The following CREB5 variants were observed in gnomAD, a reference collection of about 807,000 sequenced individuals.
CREB5 encodes the protein cyclic AMP-responsive element-binding protein 5.
In CREB5, 19 loss-of-function variants were observed where a neutral mutation model predicts 57.1. The observed-to-expected ratio is 0.33, with a 90% confidence interval of 0.23 to 0.49. The LOEUF (loss-of-function observed/expected upper bound fraction) is 0.49, where lower values mean the gene tolerates loss of function less well. Among genes scored for constraint, CREB5 ranks in the 20% least tolerant of loss-of-function variants. CREB5 has a pLI of 0.99. For missense variants in CREB5, 579 were observed against 671.6 expected (o/e 0.86, Z 1.52); for synonymous variants, 238 against 238.3 (o/e 1.00, Z 0.01).
At chr7:28,676,480 C>T (rs1030649388) in intron 5 of CREB5, among the ~76,000 whole-genome samples, 3 of 152,112 alleles carry the variant, frequency 2.0e-5, no homozygotes, top group Admixed American at 1.3e-4. Flanking sequence ...TCACAGGTCG[C>T]GATCCTCATT....
chr7:28,780,213 G>A (rs556039087), intron 7 of CREB5, among the ~76,000 whole-genome samples: 22 of 152,278 alleles, frequency 1.4e-4, no homozygotes, highest in South Asian at 4.1e-4. Context: ...CAAGGAAACT[G>A]CAATGAGAAG....
chr7:28,677,404 A>G (rs1230401131), intron 5 of CREB5, among the ~76,000 whole-genome samples: 2 of 152,106 alleles, frequency 1.3e-5, no homozygotes, highest in African/African-American at 2.4e-5. Context: ...TTCCCCAGAC[A>G]TTCTCAGGCA....
chr7:28,326,215 A>G (rs1410481601), intron 1 of CREB5, among the ~76,000 whole-genome samples: 3 of 148,842 alleles, frequency 2.0e-5, no homozygotes, highest in Non-Finnish European at 4.5e-5. Flanking sequence ...CTATCTACCT[A>G]TCTATCTTGA....
intron 1 of CREB5, among the ~76,000 whole-genome samples, chr7:28,406,818 A>G (rs139448504): frequency 2.4e-4 from 36 of 152,292 alleles, no homozygotes; most frequent in African/African-American, 8.7e-4. Context: ...AGCGCATTTG[A>G]CAGATGAGAG....
At chr7:28,491,777 T>C (rs752047279) in intron 2 of CREB5, among the ~76,000 whole-genome samples, 4 of 152,174 alleles carry the variant, frequency 2.6e-5, no homozygotes, top group Non-Finnish European at 5.9e-5. Flanking sequence ...AAGCCAATTG[T>C]TGTGGCCATG....
At chr7:28,804,151 C>T (rs1476114691) in intron 7 of CREB5, 48 bp from the exon 8 acceptor site, 1 of 1,560,138 alleles carries the variant, frequency 6.4e-7, no homozygotes, top group Non-Finnish European at 8.8e-7. Context: ...CTATCATGTA[C>T]ATGACTGACT....
intron 7 of CREB5, among the ~76,000 whole-genome samples, chr7:28,751,610 T>TA (rs1381402506): frequency 6.6e-6 from 1 of 152,218 alleles, no homozygotes. Context: ...TTTTATTTTT[T>TA]ATCTTGAAAC....
intron 5 of CREB5, among the ~76,000 whole-genome samples, chr7:28,614,906 A>T (rs1797537966): frequency 6.6e-6 from 1 of 152,214 alleles, no homozygotes; most frequent in Admixed American, 6.5e-5. Flanking sequence ...TTCATATTTT[A>T]ACATGGCTAT....
Position 28,412,720 on chromosome 7 carries a change from G to A in CREB5, c.-195G>A. The A allele has an allele frequency of 2.4e-6, 1 of 420,528 alleles. No homozygotes were observed. Among genetic ancestry groups the A allele is most frequent in the Non-Finnish European group, 4.1e-6 (1 of 243,472 alleles). The allele number at this position is 420,528 out of a possible 1,614,324, so 26.0% of individuals were successfully genotyped here. On this transcript the variant is annotated 5_prime_UTR_variant, in exon 1 of 11. Coordinates refer to ENST00000357727, the MANE Select transcript of CREB5 (RefSeq NM_182898.4). ...GTACCTCTGGGTTGCAGAAGTAATT[G>A]TAAAATACCAGACCTGTTCTTTTTA... is the stretch of plus-strand genomic sequence containing the variant.
chr7:28,570,261 T>A, intron 4 of CREB5, 104 bp from the exon 5 acceptor site: 3 of 1,240,656 alleles, frequency 2.4e-6, no homozygotes, highest in Non-Finnish European at 3.4e-6. Flanking sequence ...TAACTCTCTA[T>A]GTAGTTGACA....
intron 2 of CREB5, among the ~76,000 whole-genome samples, chr7:28,494,521 T>C (rs1321880175): frequency 6.6e-6 from 1 of 152,212 alleles, no homozygotes; most frequent in African/African-American, 2.4e-5. Context: ...TAGTTGGATA[T>C]ATCCAGGGAC....
intron 5 of CREB5, among the ~76,000 whole-genome samples, chr7:28,709,310 A>G (rs1802284435): frequency 6.6e-6 from 1 of 152,184 alleles, no homozygotes; most frequent in Admixed American, 6.5e-5. Flanking sequence ...ATAAGGAAAA[A>G]AAAATCAGAT....
intron 1 of CREB5, among the ~76,000 whole-genome samples, chr7:28,385,899 C>T (rs917766961): frequency 1.6e-4 from 24 of 152,178 alleles, no homozygotes; most frequent in African/African-American, 5.8e-4. Flanking sequence ...GGAGTGAACC[C>T]CGCTGGTAGG....
chr7:28,514,823 G>A (rs973062201), intron 4 of CREB5, among the ~76,000 whole-genome samples: 2 of 152,212 alleles, frequency 1.3e-5, no homozygotes, highest in Non-Finnish European at 2.9e-5. Context: ...GAAAGGTTGC[G>A]CATTCATGTC....
chr7:28,644,466 T>TA (rs951383886), intron 5 of CREB5, among the ~76,000 whole-genome samples: 2 of 150,758 alleles, frequency 1.3e-5, no homozygotes, highest in African/African-American at 4.9e-5. Flanking sequence ...CCCATTATGG[T>TA]AAAAACACGA....
chr7:28,708,364 G>A (rs1802232733), intron 5 of CREB5, among the ~76,000 whole-genome samples: 1 of 152,144 alleles, frequency 6.6e-6, no homozygotes, highest in African/African-American at 2.4e-5. Flanking sequence ...ATGTATCGTG[G>A]AGCTAATAAA....
chr7:28,629,509 C>G (rs1475639222), intron 5 of CREB5, among the ~76,000 whole-genome samples: 3 of 152,178 alleles, frequency 2.0e-5, no homozygotes, highest in Non-Finnish European at 4.4e-5. Context: ...GGCTGGCAAG[C>G]AGGGAGTTTC....
chr7:28,442,333 G>A (rs531588120), intron 1 of CREB5, among the ~76,000 whole-genome samples: 28 of 152,052 alleles, frequency 1.8e-4, no homozygotes, highest in Admixed American at 5.9e-4. Flanking sequence ...TTCTTCATCC[G>A]TTCATCTGTT....
intron 1 of CREB5, among the ~76,000 whole-genome samples, chr7:28,450,060 A>G (rs1200262960): frequency 6.6e-6 from 1 of 152,200 alleles, no homozygotes; most frequent in Non-Finnish European, 1.5e-5. Context: ...CGTTCCCTAC[A>G]ATAACAAGAG....
Sources: allele counts gnomAD v4.1 joint callset (sites outside exome capture counted in the v4.1 genomes callset), GRCh38; gene constraint gnomAD v4.1.1; transcripts MANE v1.5; gene names NCBI Gene and HGNC (gene_info 2026-07-23, HGNC 2026-07-21).